UBR3: variants seen among roughly 807,000 people sequenced by gnomAD.
UBR3 encodes the protein E3 ubiquitin-protein ligase UBR3.
UBR3 carries 85 observed loss-of-function variants against 243.2 expected under a neutral mutation model. The ratio of observed to expected loss-of-function variants is 0.35; its 90% confidence interval spans 0.29 to 0.42. UBR3 has a LOEUF of 0.42. Among genes scored for constraint, UBR3 ranks in the 10% least tolerant of loss-of-function variants. The pLI, the probability that UBR3 is intolerant of heterozygous loss-of-function variation, is 1.00. For missense variants in UBR3, 1,686 were observed against 2,300.8 expected (o/e 0.73, Z 5.47); for synonymous variants, 748 against 799.8 (o/e 0.94, Z 1.09).
At chr2:169,962,293 G>A (rs1459023353) in intron 24 of UBR3, among the ~76,000 whole-genome samples, 1 of 151,670 alleles carries the variant, frequency 6.6e-6, no homozygotes, top group African/African-American at 2.4e-5. Context: ...GTATTGCTCA[G>A]GTTGGTCTGG....
intron 35 of UBR3, among the ~76,000 whole-genome samples, chr2:170,067,770 A>ATTT (rs36071079): frequency 2.2e-5 from 3 of 138,450 alleles, no homozygotes; most frequent in African/African-American, 5.3e-5. Context: ...CAAGGAAATA[A>ATTT]TTTTTTTTTT....
At chr2:169,954,741 A>G (rs2087199166) in intron 23 of UBR3, among the ~76,000 whole-genome samples, 1 of 151,472 alleles carries the variant, frequency 6.6e-6, no homozygotes, top group Non-Finnish European at 1.5e-5. Flanking sequence ...TGCCCGGCTA[A>G]TTTTTGTATT....
chr2:170,036,465 C>G (rs1167592576), intron 31 of UBR3, among the ~76,000 whole-genome samples: 1 of 151,782 alleles, frequency 6.6e-6, no homozygotes, highest in African/African-American at 2.4e-5. Context: ...ATCTTATCAG[C>G]CAATAACTGC....
intron 1 of UBR3, among the ~76,000 whole-genome samples, chr2:169,851,002 G>C (rs2082638242): frequency 6.6e-6 from 1 of 152,018 alleles, no homozygotes; most frequent in Non-Finnish European, 1.5e-5. Flanking sequence ...ACTTAAATTT[G>C]GATTTTGCCT....
chr2:169,963,479 G>T (rs910850777), intron 24 of UBR3, among the ~76,000 whole-genome samples: 4 of 151,892 alleles, frequency 2.6e-5, no homozygotes, highest in Non-Finnish European at 5.9e-5. Flanking sequence ...TATTCTGTGG[G>T]AATATTTCTT....
chr2:169,921,716 G>C (rs368133095), intron 11 of UBR3, among the ~76,000 whole-genome samples: 1 of 152,186 alleles, frequency 6.6e-6, no homozygotes, highest in African/African-American at 2.4e-5. Flanking sequence ...TAGGAAGCAG[G>C]CACAGTGGTT....
rs1195132961 is a variant in UBR3, at chr2:169,947,638, A to G, written c.3007A>G (p.Arg1003Gly). ...MRHFINYVRV[R>G]VPETAPEVKR... ...ACACTTTATAAACTATGTTAGAGTAAGAGTTCCAGAGACTGCTCCTGAAGT... is the reference window on the plus strand; with the variant it reads ...ACACTTTATAAACTATGTTAGAGTAGGAGTTCCAGAGACTGCTCCTGAAGT... The change falls in exon 22 of 39, where the codon AGA (arginine) becomes GGA (glycine). Residue 1003 changes from arginine (R) to glycine (G), a missense_variant. Around this residue, in one of 8 missense-constraint regions of UBR3, gnomAD observed 300 missense variants for 314.4 expected, o/e 0.95. Transcript: ENST00000272793. 1.3e-6 allele frequency: 2 copies of G among 1,542,654 alleles called. No individual in the cohort carries two copies. The highest frequency in any genetic ancestry group is 1.8e-6 in the Non-Finnish European group (2 of 1,142,704).
Position 169,914,048 on chromosome 2 carries a change from T to G in UBR3, c.1780-12T>G. ...ATATCATAAATTTATTATATATAAC[T>G]TACTATTTTAGGAAACTCAAGAGTA... On this transcript the variant is annotated splice_polypyrimidine_tract_variant and intron_variant, in intron 10 of 38. Coordinates refer to ENST00000272793, the MANE Select transcript of UBR3 (RefSeq NM_172070.4). 1 of 1,350,492 alleles carries G rather than the reference T, an allele frequency of 7.4e-7. No individual in the cohort carries two copies. The highest frequency in any genetic ancestry group is 9.8e-7 in the Non-Finnish European group (1 of 1,017,682). The allele number at this position is 1,350,492 out of a possible 1,614,324, so 83.7% of individuals were successfully genotyped here.
At chr2:169,962,858 G>A (rs1445869587) in intron 24 of UBR3, among the ~76,000 whole-genome samples, 2 of 151,976 alleles carry the variant, frequency 1.3e-5, no homozygotes, top group African/African-American at 4.8e-5. Context: ...ATTCTTGATT[G>A]TCCTGGAGAG....
chr2:170,067,296 C>G (rs563731132), intron 35 of UBR3, among the ~76,000 whole-genome samples: 119 of 152,230 alleles, frequency 7.8e-4, no homozygotes, highest in Middle Eastern at 3.4e-3. Flanking sequence ...AAAATAAATT[C>G]CCTCTCTCAA....
At chr2:169,867,489 A>T (rs1482634475) in intron 1 of UBR3, among the ~76,000 whole-genome samples, 1 of 152,220 alleles carries the variant, frequency 6.6e-6, no homozygotes, top group African/African-American at 2.4e-5. Context: ...TATAATAAAC[A>T]TCTTTGCAAG....
chr2:169,834,427 AC>A (rs1417827617), intron 1 of UBR3, among the ~76,000 whole-genome samples: 1 of 152,212 alleles, frequency 6.6e-6, no homozygotes, highest in Non-Finnish European at 1.5e-5. Context: ...GTATGAGGAT[AC>A]ATTCCTAGAA....
intron 5 of UBR3, among the ~76,000 whole-genome samples, chr2:169,890,551 A>ATATATATGTGTG (rs1553504478): frequency 9.8e-6 from 1 of 102,040 alleles, no homozygotes; most frequent in African/African-American, 4.3e-5. Context: ...ATATATATAT[A>ATATATATGTGTG]TATATATATA....
intron 3 of UBR3, among the ~76,000 whole-genome samples, chr2:169,876,455 A>G (rs893358163): frequency 1.3e-5 from 2 of 152,116 alleles, no homozygotes; most frequent in African/African-American, 2.4e-5. Context: ...CTCACAATTA[A>G]TTTATGTTGG....
At chr2:170,040,203 A>G (rs1002713827) in intron 31 of UBR3, among the ~76,000 whole-genome samples, 6 of 152,176 alleles carry the variant, frequency 3.9e-5, no homozygotes, top group Non-Finnish European at 7.3e-5. Flanking sequence ...CAGCAGCACA[A>G]TCACAGCCCG....
chr2:169,877,753 C>T, intron 4 of UBR3, 116 bp downstream of exon 4: 1 of 1,049,246 alleles, frequency 9.5e-7, no homozygotes, highest in South Asian at 1.8e-5. Flanking sequence ...CAGTATTATT[C>T]TTTTTAAGAA....
chr2:170,062,787 A>G (rs895807116), intron 35 of UBR3, among the ~76,000 whole-genome samples: 3 of 152,178 alleles, frequency 2.0e-5, no homozygotes, highest in Admixed American at 6.5e-5. Flanking sequence ...GTTGGAAAGT[A>G]TGTGGAGGCA....
intron 14 of UBR3, 107 bp downstream of exon 14, chr2:169,925,854 A>G: frequency 2.0e-6 from 2 of 1,020,180 alleles, no homozygotes; most frequent in African/African-American, 1.7e-5. Context: ...GGCCAATGCC[A>G]TTGAAAGAAT....
intron 23 of UBR3, among the ~76,000 whole-genome samples, chr2:169,956,629 A>G (rs2087311153): frequency 6.6e-6 from 1 of 152,166 alleles, no homozygotes; most frequent in Non-Finnish European, 1.5e-5. Flanking sequence ...AATGTTAGAA[A>G]AGGAGTGTTA....
Sources: allele counts gnomAD v4.1 joint callset (sites outside exome capture counted in the v4.1 genomes callset), GRCh38; gene constraint gnomAD v4.1.1; regional missense constraint gnomAD v4.1.1; transcripts MANE v1.5; gene names NCBI Gene and HGNC (gene_info 2026-07-23, HGNC 2026-07-21).